SPIDR: variants seen among roughly 807,000 people sequenced by gnomAD.
SPIDR encodes the protein DNA repair-scaffolding protein.
A neutral mutation model predicts 104.6 loss-of-function variants in SPIDR; 93 were observed. That is an observed-to-expected ratio of 0.89 (90% CI 0.75 to 1.06). The LOEUF is 1.06. Among genes scored for constraint, SPIDR ranks in the 50% least tolerant of loss-of-function variants. The pLI is 0.00. For synonymous variants in SPIDR, 431 were observed against 416.9 expected (o/e 1.03, Z -0.41); for missense variants, 1,154 against 1,111.2 (o/e 1.04, Z -0.55).
chr8:47,499,994 A>G (rs931277738), intron 8 of SPIDR, among the ~76,000 whole-genome samples: 14 of 152,316 alleles, frequency 9.2e-5, no homozygotes, highest in African/African-American at 2.9e-4. Context: ...ATGGCTGCAT[A>G]GTATTCCATG....
intron 3 of SPIDR, 142 bp downstream of exon 3, chr8:47,284,236 A>G (rs1282904594): frequency 2.3e-5 from 14 of 617,564 alleles, no homozygotes; most frequent in Non-Finnish European, 3.8e-5. Flanking sequence ...AAGATAAGGT[A>G]AAAAGATATT....
At chr8:47,647,680 G>C (rs1377077264) in intron 10 of SPIDR, among the ~76,000 whole-genome samples, 2 of 142,788 alleles carry the variant, frequency 1.4e-5, no homozygotes, top group African/African-American at 5.8e-5. Context: ...GAGAGAGGGA[G>C]AGAGAGAGAG....
intron 16 of SPIDR, among the ~76,000 whole-genome samples, chr8:47,725,753 A>G (rs1056787860): frequency 6.6e-6 from 1 of 152,268 alleles, no homozygotes; most frequent in Non-Finnish European, 1.5e-5. Flanking sequence ...GGTTGCCAGA[A>G]AAGATTTCCA....
intron 2 of SPIDR, among the ~76,000 whole-genome samples, chr8:47,281,225 T>C (rs2154221727): frequency 6.6e-6 from 1 of 152,348 alleles, no homozygotes. Context: ...ATAATCTTTT[T>C]GCTGGGGGAG....
chr8:47,667,274 C>T (rs573923849), intron 10 of SPIDR, among the ~76,000 whole-genome samples: 15 of 151,782 alleles, frequency 9.9e-5, no homozygotes, highest in Non-Finnish European at 1.9e-4. Context: ...GAGGGAGACT[C>T]GGTCTCAAAT....
At chr8:47,316,692 T>C (rs2045416107) in intron 5 of SPIDR, among the ~76,000 whole-genome samples, 1 of 152,040 alleles carries the variant, frequency 6.6e-6, no homozygotes, top group Non-Finnish European at 1.5e-5. Context: ...TCTTCGATAG[T>C]GGGGTGGGGA....
At chr8:47,623,692 C>T (rs2065512858) in intron 10 of SPIDR, among the ~76,000 whole-genome samples, 2 of 152,212 alleles carry the variant, frequency 1.3e-5, no homozygotes, top group African/African-American at 4.8e-5. Flanking sequence ...AACTAACTAT[C>T]TGAAATATAT....
At chr8:47,660,905 A>G in intron 10 of SPIDR, 5 of 980,126 alleles carry the variant, frequency 5.1e-6, no homozygotes, top group South Asian at 4.7e-5. Flanking sequence ...AACAATGCGC[A>G]TTTGTCTGGT....
At chr8:47,565,968 A>G (rs2057736772) in intron 8 of SPIDR, among the ~76,000 whole-genome samples, 2 of 81,664 alleles carry the variant, frequency 2.4e-5, no homozygotes, top group South Asian at 4.2e-4. Flanking sequence ...TGATATTTAT[A>G]CTCATATATA....
chr8:47,337,232 G>T (rs2154271457), intron 5 of SPIDR, among the ~76,000 whole-genome samples: 1 of 152,100 alleles, frequency 6.6e-6, no homozygotes, highest in South Asian at 2.1e-4. Context: ...GGTTCAACCT[G>T]ACCTTCCACC....
chr8:47,731,563 C>T (rs933992199), intron 19 of SPIDR, among the ~76,000 whole-genome samples: 1 of 152,278 alleles, frequency 6.6e-6, no homozygotes, highest in Non-Finnish European at 1.5e-5. Flanking sequence ...AAGGCAAAGA[C>T]ATCCCACAGA....
chr8:47,578,330 G>A (rs1299834315), intron 8 of SPIDR, among the ~76,000 whole-genome samples: 3 of 152,094 alleles, frequency 2.0e-5, no homozygotes, highest in African/African-American at 7.2e-5. Context: ...AAATTAGCCG[G>A]GCATGGTGGC....
At chr8:47,718,505 C>CT (rs372270226) in intron 16 of SPIDR, among the ~76,000 whole-genome samples, 1,961 of 143,180 alleles carry the variant, frequency 0.014, 44 homozygotes, top group African/African-American at 0.045. Context: ...ATCTTTGGCT[C>CT]TTTTTTTTTT....
intron 11 of SPIDR, among the ~76,000 whole-genome samples, chr8:47,698,233 A>G (rs2079634129): frequency 6.6e-6 from 1 of 151,596 alleles, no homozygotes; most frequent in African/African-American, 2.4e-5. Flanking sequence ...TTTGTTGCTT[A>G]AACATATTTT....
intron 5 of SPIDR, among the ~76,000 whole-genome samples, chr8:47,353,057 A>G (rs992158841): frequency 4.0e-5 from 6 of 151,552 alleles, no homozygotes; most frequent in African/African-American, 1.4e-4. Context: ...TATCTCAAAA[A>G]AAAAAAAAAA....
chr8:47,411,120 A>G (rs1405411776), intron 7 of SPIDR, among the ~76,000 whole-genome samples: 1 of 152,226 alleles, frequency 6.6e-6, no homozygotes, highest in East Asian at 1.9e-4. Context: ...CAGTAAACAT[A>G]CGTGTGCATG....
Position 47,701,973 on chromosome 8 carries a change from C to T in SPIDR, c.1935C>T (p.Thr645=), listed in dbSNP as rs772144417. ...CTTTCCAGATGAATGATCTTGGTAC[C>T]CGTTGCAGTTTCTATGCCACGGTGA... ...RDILQMNDLG[T]RCSFYATVIY... The change falls in exon 14 of 20, where the codon ACC becomes ACT. Residue 645 remains threonine (T), a synonymous_variant. Transcript: ENST00000297423. 4 of 1,613,834 alleles carry T rather than the reference C, an allele frequency of 2.5e-6. No individual in the cohort carries two copies. Among genetic ancestry groups the T allele is most frequent in the Non-Finnish European group, 3.4e-6 (4 of 1,179,998 alleles).
rs1440596863 is a variant in SPIDR at position 47,363,334 on chromosome 8, T to A, written c.526-33042T>A. 2.0e-5 allele frequency among the ~76,000 whole-genome samples: 3 copies of A among 148,990 alleles called. No homozygotes were observed. In the East Asian group the frequency reaches 6.0e-4, roughly 30 times the overall value. ...CATTCTCCTGCCTCAGCCTCCCAAG[T>A]AGCTGGGACTACAGGCGCCCGCCGC... On this transcript the variant is annotated intron_variant, in intron 5 of 19. Transcript: ENST00000297423.
At chr8:47,544,250 T>C (rs1249860014) in intron 8 of SPIDR, among the ~76,000 whole-genome samples, 1 of 152,236 alleles carries the variant, frequency 6.6e-6, no homozygotes, top group Non-Finnish European at 1.5e-5. Context: ...GATTGTTTGC[T>C]ATTTTATTGT....
Sources: allele counts gnomAD v4.1 joint callset (sites outside exome capture counted in the v4.1 genomes callset), GRCh38; gene constraint gnomAD v4.1.1; transcripts MANE v1.5; gene names NCBI Gene and HGNC (gene_info 2026-07-23, HGNC 2026-07-21).